The following HOXC9 variants were observed in gnomAD, a reference collection of about 807,000 sequenced individuals.
HOXC9 encodes homeobox protein Hox-C9.
In HOXC9, 10 loss-of-function variants were observed where a neutral mutation model predicts 20.0. The ratio of observed to expected loss-of-function variants is 0.50; its 90% confidence interval spans 0.31 to 0.85. The LOEUF (loss-of-function observed/expected upper bound fraction) is 0.85, where lower values mean the gene tolerates loss of function less well. Ranked by LOEUF, HOXC9 falls within the 40% of genes least tolerant of loss-of-function variation. HOXC9 has a pLI of 0.05. For missense variants in HOXC9, 394 were observed against 376.7 expected (o/e 1.05, Z -0.38); for synonymous variants, 200 against 163.7 (o/e 1.22, Z -1.69).
In HOXC9 at chr12:54,003,090, G is replaced by T; in HGVS notation, c.*416G>T. ...CCGGGCCTGGGGCGCTCTGCGTGCA[G>T]ATTTTGTACAAAAAAAAAAAAGACA... On this transcript the variant is annotated 3_prime_UTR_variant, in exon 2 of 2. Transcript: ENST00000303450. The T allele has an allele frequency of 6.6e-6, 1 of 151,144 alleles. No individual in the cohort carries two copies. 9.4% of individuals were successfully genotyped at this position (151,144 alleles called of 1,614,324 possible).
chr12:54,001,483 G>A (rs1279473069), intron 1 of HOXC9, among the ~76,000 whole-genome samples: 3 of 151,360 alleles, frequency 2.0e-5, no homozygotes, highest in Non-Finnish European at 4.4e-5. Context: ...CTCCAATCAG[G>A]GAGACAGGCG....
Position 54,000,163 on chromosome 12 carries a change from T to C in HOXC9, c.-26T>C, listed in dbSNP as rs1939693452. On this transcript the variant is annotated 5_prime_UTR_variant, in exon 1 of 2. Transcript: ENST00000303450. Reference sequence around the variant, plus strand: ...AGTACATATACAGTTCATACAATAATCTTATGTATGTAAAACCCCGTTACG... The same window carrying C: ...AGTACATATACAGTTCATACAATAACCTTATGTATGTAAAACCCCGTTACG... 1 of 1,600,002 alleles carries C rather than the reference T, an allele frequency of 6.2e-7. No homozygotes were observed. The highest frequency in any genetic ancestry group is 8.6e-7 in the Non-Finnish European group (1 of 1,168,764).
intron 1 of HOXC9, 93 bp downstream of exon 1, chr12:54,000,819 A>G: frequency 8.3e-7 from 1 of 1,203,698 alleles, no homozygotes; most frequent in Non-Finnish European, 1.1e-6. Context: ...CGAACCGTGC[A>G]GGGAGCGCGG....
intron 1 of HOXC9, among the ~76,000 whole-genome samples, chr12:54,001,985 C>G (rs1331684228): frequency 6.6e-6 from 1 of 150,804 alleles, no homozygotes; most frequent in South Asian, 2.1e-4. Context: ...GGTCAGGAAG[C>G]AGAACTGCTA....
In HOXC9 at chr12:54,000,552, G is replaced by C; in HGVS notation, c.364G>C (p.Ala122Pro). The C allele has an allele frequency of 6.5e-7, 1 of 1,545,176 alleles. No homozygotes were observed. Among genetic ancestry groups the C allele is most frequent in the Non-Finnish European group, 8.7e-7 (1 of 1,152,890 alleles). Residue 122 changes from alanine (A) to proline (P), a missense_variant, in exon 1 of 2, where the codon GCC (alanine) becomes CCC (proline). Physicochemically the swap from Ala to Pro is conservative, Grantham distance 27. Transcript: ENST00000303450. ...CCGTCACTACGCCCTCAAGCCGGAC[G>C]CCTACCCCGGGCGCCGCGCGGACTG... ...GGRHYALKPDAYPGRRADCGP... is the reference protein window; with the variant it reads ...GGRHYALKPDPYPGRRADCGP...
Position 54,000,468 on chromosome 12 carries a change from C to A in HOXC9, c.280C>A (p.Arg94=). 1.2e-6 allele frequency: 2 copies of A among 1,602,588 alleles called. No individual in the cohort carries two copies. The highest frequency in any genetic ancestry group is 1.7e-6 in the Non-Finnish European group (2 of 1,179,666). The change falls in exon 1 of 2, where the codon CGG becomes AGG. Residue 94 remains arginine, a synonymous_variant. Coordinates refer to ENST00000303450, the MANE Select transcript of HOXC9 (RefSeq NM_006897.3). The part of the protein sequence containing the change: ...PHLGADTRYM[R]TWLEPLSGAV... ...CCTCGGCGCCGACACGCGCTACATG[C>A]GGACTTGGCTCGAGCCGCTGTCCGG...
At position 54,002,426 on chromosome 12, in the gene HOXC9, C is replaced by A; in HGVS notation, c.539-4C>A. 1.2e-6 allele frequency: 2 copies of A among 1,612,640 alleles called. No individual in the cohort carries two copies. The highest frequency in any genetic ancestry group is 1.7e-4 in the Middle Eastern group (1 of 5,846). ...CTGACCCCTGCTTGTGTTTGGCCCT[C>A]CAGGCAACCCCGTGGCCAACTGGAT... On this transcript the variant is annotated splice_region_variant and splice_polypyrimidine_tract_variant and intron_variant, in intron 1 of 1. Coordinates refer to ENST00000303450, the MANE Select transcript of HOXC9 (RefSeq NM_006897.3).
Position 54,000,431 on chromosome 12 carries a change from C to CG in HOXC9, c.243_244insG (p.Pro82AlafsTer143). The CG allele has an allele frequency of 1.2e-6, 2 of 1,608,536 alleles. No individual in the cohort carries two copies. Among genetic ancestry groups the CG allele is most frequent in the Non-Finnish European group, 1.7e-6 (2 of 1,179,814 alleles). ...CGTCCGTGGTATATCACCCGTACGG[C>CG]CCCCAGCCCCACCTCGGCGCCGACA... On this transcript the variant is annotated frameshift_variant, in exon 1 of 2. Coordinates refer to ENST00000303450, the MANE Select transcript of HOXC9 (RefSeq NM_006897.3). LOFTEE classifies it high-confidence loss of function.
Position 54,002,425 on chromosome 12 carries a change from T to A in HOXC9, c.539-5T>A. ...ACTGACCCCTGCTTGTGTTTGGCCC[T>A]CCAGGCAACCCCGTGGCCAACTGGA... On this transcript the variant is annotated splice_region_variant and splice_polypyrimidine_tract_variant and intron_variant, in intron 1 of 1. Transcript: ENST00000303450. 1.2e-6 allele frequency: 2 copies of A among 1,612,642 alleles called. No homozygotes were observed. Among genetic ancestry groups the A allele is most frequent in the Middle Eastern group, 1.7e-4 (1 of 5,844 alleles).
At chr12:54,001,057 G>T (rs1314124973) in intron 1 of HOXC9, among the ~76,000 whole-genome samples, 1 of 152,120 alleles carries the variant, frequency 6.6e-6, no homozygotes, top group Non-Finnish European at 1.5e-5. Flanking sequence ...AGGGGATGGG[G>T]CTGGGGGCGA....
chr12:54,002,335 C>A, intron 1 of HOXC9, 95 bp from the exon 2 acceptor site: 4 of 1,432,426 alleles, frequency 2.8e-6, no homozygotes, highest in East Asian at 2.3e-5. Context: ...TCAGTTATTG[C>A]ATTTGGGGAG....
In HOXC9 at chr12:54,000,528, C is replaced by A; in HGVS notation, c.340C>A (p.Arg114Ser). Residue 114 changes from arginine (R) to serine (S), a missense_variant, in exon 1 of 2, where the codon CGT (arginine) becomes AGT (serine). Transcript: ENST00000303450. ...VSFPSFPAGG[R>S]HYALKPDAYP... The stretch of plus-strand genomic sequence containing the variant: ...CTTCCCCAGCTTCCCGGCCGGGGGC[C>A]GTCACTACGCCCTCAAGCCGGACGC... 2.5e-6 allele frequency: 4 copies of A among 1,581,966 alleles called. No individual in the cohort carries two copies. The highest frequency in any genetic ancestry group is 1.3e-5 in the African/African-American group (1 of 74,482).
At position 54,000,416 on chromosome 12, in the gene HOXC9, A is replaced by G. The variant is rs574537233; in HGVS notation, c.228A>G (p.Val76=). The G allele has an allele frequency of 2.5e-6, 4 of 1,611,352 alleles. No individual in the cohort carries two copies. Among genetic ancestry groups the G allele is most frequent in the Admixed American group, 3.3e-5 (2 of 60,020 alleles). ...WAPVPSQSSV[V]YHPYGPQPHL... is the part of the protein sequence containing the mutation. ...CCGTGCCCTCTCAGTCGTCCGTGGT[A>G]TATCACCCGTACGGCCCCCAGCCCC... Residue 76 remains valine (V), a synonymous_variant, in exon 1 of 2, where the codon GTA becomes GTG. Transcript: ENST00000303450.
At chr12:54,001,460 TCTCA>T (rs200715800) in intron 1 of HOXC9, among the ~76,000 whole-genome samples, 2,007 of 146,252 alleles carry the variant, frequency 0.014, 22 homozygotes, top group Non-Finnish European at 0.018. Flanking sequence ...ACACACTCAC[TCTCA>T]CTCACTCACT....
Position 54,001,345 on chromosome 12 carries a change from C to A in HOXC9, c.538+619C>A, listed in dbSNP as rs140245460. ...GTCTGAGCCTCCTTAAACTTGAGAACCCTCTTCTGAGGGTCTTGGAGGGGA... is the reference window on the plus strand; with the variant it reads ...GTCTGAGCCTCCTTAAACTTGAGAAACCTCTTCTGAGGGTCTTGGAGGGGA... On this transcript the variant is annotated intron_variant, in intron 1 of 1. Transcript: ENST00000303450. Among the ~76,000 whole-genome samples the A allele has an allele frequency of 2.6e-5, 4 of 152,016 alleles. No homozygotes were observed. The South Asian group carries it at 8.3e-4, about 32-fold the overall frequency.
chr12:54,003,060 C>G lies in HOXC9; in HGVS notation c.*386C>G, dbSNP rs1251291761. Reference sequence around the variant, plus strand: ...TGTATCGTATTTGGTCCAGGTCATCCCTCCCCGGGCCTGGGGCGCTCTGCG... The same window carrying G: ...TGTATCGTATTTGGTCCAGGTCATCGCTCCCCGGGCCTGGGGCGCTCTGCG... On this transcript the variant is annotated 3_prime_UTR_variant, in exon 2 of 2. Transcript: ENST00000303450. 1 of 158,254 alleles carries G rather than the reference C, an allele frequency of 6.3e-6. No individual in the cohort carries two copies. The highest frequency in any genetic ancestry group is 1.4e-5 in the Non-Finnish European group (1 of 72,252). 9.8% of individuals were successfully genotyped at this position (158,254 alleles called of 1,614,324 possible). A position where few individuals can be genotyped will look rare whatever the true frequency, so the allele number is the denominator to read the frequency against.
intron 1 of HOXC9, 73 bp downstream of exon 1, chr12:54,000,799 ACAGCCCTCCCGAACCGTG>A (rs1939724309): frequency 3.7e-6 from 5 of 1,339,386 alleles, no homozygotes; most frequent in Non-Finnish European, 4.9e-6. Context: ...CAGCCGAATT[ACAGCCCTCCCGAACCGTG>A]CAGGGAGCGC....
intron 1 of HOXC9, 48 bp from the exon 2 acceptor site, chr12:54,002,382 G>T: frequency 6.3e-7 from 1 of 1,589,542 alleles, no homozygotes; most frequent in Non-Finnish European, 8.6e-7. Flanking sequence ...CAGAAGTCCT[G>T]GGCTGGAAAG....
Position 54,000,407 on chromosome 12 carries a change from G to A in HOXC9, c.219G>A (p.Ser73=). The A allele has an allele frequency of 1.9e-6, 3 of 1,612,220 alleles. No homozygotes were observed. Among genetic ancestry groups the A allele is most frequent in the Non-Finnish European group, 2.5e-6 (3 of 1,179,982 alleles). Residue 73 remains serine (S), a synonymous_variant, in exon 1 of 2, where the codon TCG becomes TCA. Coordinates refer to ENST00000303450, the MANE Select transcript of HOXC9 (RefSeq NM_006897.3). The part of the protein sequence containing the change: ...STSWAPVPSQ[S]SVVYHPYGPQ... The stretch of plus-strand genomic sequence containing the variant: ...CGTGGGCGCCCGTGCCCTCTCAGTC[G>A]TCCGTGGTATATCACCCGTACGGCC...
Sources: gnomAD v4.1 joint callset for allele counts (sites outside exome capture counted in the v4.1 genomes callset) on GRCh38, gnomAD v4.1.1 for gene constraint, MANE v1.5 for transcripts, NCBI Gene and HGNC (gene_info 2026-07-23, HGNC 2026-07-21) for gene names.